Variants in BNC2 observed in about 807,000 individuals in gnomAD.
The protein encoded by BNC2 is zinc finger protein basonuclin-2.
Under a neutral mutation model 76.3 loss-of-function variants are expected in BNC2, and 20 were observed. The observed-to-expected ratio is 0.26, with a 90% CI of 0.18 to 0.38. The LOEUF (loss-of-function observed/expected upper bound fraction) is 0.38, where lower values mean the gene tolerates loss of function less well. Ranked by LOEUF, BNC2 falls within the 10% of genes least tolerant of loss-of-function variation. BNC2 has a pLI of 1.00. For missense variants in BNC2, 1,382 were observed against 1,399.8 expected, an observed-to-expected ratio of 0.99 and a Z score of 0.20; for synonymous variants, 582 against 514.8, an observed-to-expected ratio of 1.13 and a Z score of -1.77.
At chr9:16,575,816 C>T (rs1249460424) in intron 4 of BNC2, among the ~76,000 whole-genome samples, 1 of 152,156 alleles carries the variant, frequency 6.6e-6, no homozygotes, top group Non-Finnish European at 1.5e-5. Context: ...CCAGCTGCCT[C>T]ACCAAAACTA....
chr9:16,573,727 C>T (rs1227786109), intron 4 of BNC2, among the ~76,000 whole-genome samples: 1 of 152,166 alleles, frequency 6.6e-6, no homozygotes. Flanking sequence ...GGCCTTTTAA[C>T]AAATACTGGT....
At chr9:16,586,786 G>C (rs184541543) in intron 3 of BNC2, among the ~76,000 whole-genome samples, 27 of 152,266 alleles carry the variant, frequency 1.8e-4, no homozygotes, top group Non-Finnish European at 3.4e-4. Context: ...GTGTCCCTGT[G>C]ATCAAGGACT....
chr9:16,450,135 G>T (rs763945132), intron 5 of BNC2, among the ~76,000 whole-genome samples: 1 of 152,054 alleles, frequency 6.6e-6, no homozygotes, highest in Non-Finnish European at 1.5e-5. Context: ...TATTAAACAG[G>T]TTCAGAAACA....
chr9:16,564,259 T>C (rs1017854338), intron 4 of BNC2, among the ~76,000 whole-genome samples: 8 of 152,144 alleles, frequency 5.3e-5, no homozygotes, highest in Non-Finnish European at 1.2e-4. Context: ...AATGTTAGGG[T>C]AGTCCTTAGT....
intron 1 of BNC2, among the ~76,000 whole-genome samples, chr9:16,780,331 T>C (rs1826116237): frequency 6.6e-6 from 1 of 150,470 alleles, no homozygotes; most frequent in Non-Finnish European, 1.5e-5. Context: ...CCCAGCACTG[T>C]GGGAGGCCGA....
intron 1 of BNC2, among the ~76,000 whole-genome samples, chr9:16,808,412 T>C (rs1194987608): frequency 1.3e-5 from 2 of 149,494 alleles, no homozygotes; most frequent in Non-Finnish European, 3.0e-5. Context: ...TGTCAGGCCC[T>C]GGAATCACAC....
intron 3 of BNC2, among the ~76,000 whole-genome samples, chr9:16,685,359 T>C (rs533319634): frequency 6.6e-6 from 1 of 152,342 alleles, no homozygotes. Context: ...AACAGACAAA[T>C]GATCTACAGT....
At chr9:16,521,080 A>G (rs1817603232) in intron 5 of BNC2, among the ~76,000 whole-genome samples, 1 of 152,230 alleles carries the variant, frequency 6.6e-6, no homozygotes. Flanking sequence ...ATCAGACAGG[A>G]GAATCACTTA....
At chr9:16,716,152 C>T (rs562817236) in intron 3 of BNC2, among the ~76,000 whole-genome samples, 1 of 152,288 alleles carries the variant, frequency 6.6e-6, no homozygotes, top group African/African-American at 2.4e-5. Context: ...CATGTTAACA[C>T]TTCCACACTT....
chr9:16,712,527 G>T (rs1823879438), intron 3 of BNC2, among the ~76,000 whole-genome samples: 1 of 152,154 alleles, frequency 6.6e-6, no homozygotes, highest in Non-Finnish European at 1.5e-5. Flanking sequence ...TTTCAAACTT[G>T]TTGGAACATG....
At chr9:16,696,275 C>G (rs377574885) in intron 3 of BNC2, among the ~76,000 whole-genome samples, 5 of 152,294 alleles carry the variant, frequency 3.3e-5, no homozygotes, top group South Asian at 4.1e-4. Flanking sequence ...TAGCTCTAAC[C>G]TGCCTTTCCA....
chr9:16,430,723 C>T (rs1587016164), intron 6 of BNC2, among the ~76,000 whole-genome samples: 1 of 152,120 alleles, frequency 6.6e-6, no homozygotes, highest in Non-Finnish European at 1.5e-5. Flanking sequence ...TTTTAGCTAC[C>T]GCTAACCCAG....
chr9:16,852,890 A>G (rs1819160413), intron 1 of BNC2, among the ~76,000 whole-genome samples: 1 of 152,164 alleles, frequency 6.6e-6, no homozygotes, highest in Non-Finnish European at 1.5e-5. Context: ...CCTGTGGAAA[A>G]TCAGCAAGGC....
At chr9:16,761,551 C>T (rs371178243) in intron 1 of BNC2, among the ~76,000 whole-genome samples, 1 of 152,164 alleles carries the variant, frequency 6.6e-6, no homozygotes, top group African/African-American at 2.4e-5. Context: ...CATTGTTAGA[C>T]TCTTATGCTT....
intron 3 of BNC2, among the ~76,000 whole-genome samples, chr9:16,702,917 C>A (rs891433097): frequency 6.6e-6 from 1 of 152,160 alleles, no homozygotes; most frequent in Admixed American, 6.5e-5. Context: ...GAAACAACAC[C>A]CATTTTTTCA....
rs1224671349 is a variant in BNC2 at position 16,738,364 on chromosome 9, A to G, written c.125T>C (p.Ile42Thr). 1.2e-6 allele frequency: 2 copies of G among 1,613,752 alleles called. No homozygotes were observed. Among genetic ancestry groups the G allele is most frequent in the Admixed American group, 1.7e-5 (1 of 59,982 alleles). ...VPCCGVDTSQ[I>T]ESEEAEVDVR... The stretch of plus-strand genomic sequence containing the variant: ...GGAAAAAAAAAACCAACATACCTCA[A>G]TTTGAGATGTATCAACCCCACAACA... The change falls in exon 2 of 7, where the codon ATT (isoleucine) becomes ACT (threonine). Residue 42 changes from isoleucine to threonine, a missense_variant. By Grantham distance (89) the Ile-to-Thr change is moderately conservative (BLOSUM62 -1). Transcript: ENST00000380672.
chr9:16,641,266 T>C (rs112332922), intron 3 of BNC2, among the ~76,000 whole-genome samples: 55 of 152,292 alleles, frequency 3.6e-4, no homozygotes, highest in East Asian at 1.5e-3. Flanking sequence ...TTGTAAATCA[T>C]TGAAAAAGTC....
chr9:16,731,819 A>G (rs1682363635), intron 2 of BNC2, among the ~76,000 whole-genome samples: 1 of 152,176 alleles, frequency 6.6e-6, no homozygotes, highest in Non-Finnish European at 1.5e-5. Context: ...AGTCAGACAT[A>G]TATATTCTAA....
intron 5 of BNC2, among the ~76,000 whole-genome samples, chr9:16,506,412 A>C (rs1202930296): frequency 6.6e-6 from 1 of 151,694 alleles, no homozygotes; most frequent in Non-Finnish European, 1.5e-5. Context: ...CTGTTTCCTA[A>C]ATAGGTCTCA....
Sources: gnomAD v4.1 joint callset for allele counts (sites outside exome capture counted in the v4.1 genomes callset) on GRCh38, gnomAD v4.1.1 for gene constraint, MANE v1.5 for transcripts, NCBI Gene and HGNC (gene_info 2026-07-23, HGNC 2026-07-21) for gene names.